NMT2: variants seen among roughly 807,000 people sequenced by gnomAD.
NMT2 encodes glycylpeptide N-tetradecanoyltransferase 2.
A neutral mutation model predicts 65.4 loss-of-function variants in NMT2; 35 were observed. The observed-to-expected ratio is 0.54, with a 90% confidence interval of 0.41 to 0.71. NMT2 has a LOEUF of 0.71. NMT2 is among the 30% of genes least tolerant of loss of function. The pLI, the probability that NMT2 is intolerant of heterozygous loss-of-function variation, is 0.00. For missense variants in NMT2, 489 were observed against 611.3 expected (o/e 0.80, Z 2.11); for synonymous variants, 226 against 231.8 (o/e 0.98, Z 0.23).
intron 9 of NMT2, among the ~76,000 whole-genome samples, chr10:15,114,677 A>T (rs564636949): frequency 1.3e-5 from 2 of 152,312 alleles, no homozygotes; most frequent in East Asian, 3.9e-4. Flanking sequence ...GGCCAACCTC[A>T]GTAGTGAGTA....
chr10:15,140,371 G>C (rs12774507), intron 2 of NMT2, among the ~76,000 whole-genome samples: 1 of 151,662 alleles, frequency 6.6e-6, no homozygotes. Flanking sequence ...GGATCCGCCT[G>C]CCTTGGCCTC....
At chr10:15,135,529 C>G in intron 2 of NMT2, 111 bp from the exon 3 acceptor site, 1 of 1,100,486 alleles carries the variant, frequency 9.1e-7, no homozygotes, top group South Asian at 1.4e-5. Context: ...CACTAACAAT[C>G]CTCCTCCAAG....
chr10:15,126,714 G>A (rs1432294651), intron 8 of NMT2, among the ~76,000 whole-genome samples: 1 of 152,190 alleles, frequency 6.6e-6, no homozygotes, highest in Non-Finnish European at 1.5e-5. Context: ...TGAGACCTCA[G>A]CCCTGGCTGA....
At chr10:15,127,677 C>T (rs1032350657) in intron 8 of NMT2, among the ~76,000 whole-genome samples, 1 of 151,080 alleles carries the variant, frequency 6.6e-6, no homozygotes, top group African/African-American at 2.4e-5. Context: ...CTGAAGCAGG[C>T]GGTTCACTTG....
intron 1 of NMT2, among the ~76,000 whole-genome samples, chr10:15,155,552 T>G (rs969908824): frequency 7.2e-6 from 1 of 138,704 alleles, no homozygotes; most frequent in Admixed American, 7.3e-5. Flanking sequence ...TTTTTTTTTT[T>G]TTTTTTTTTT....
chr10:15,111,509 C>CAAAAAAAA (rs58537120), intron 10 of NMT2, among the ~76,000 whole-genome samples: 1 of 52,800 alleles, frequency 1.9e-5, no homozygotes, highest in African/African-American at 6.6e-5. Flanking sequence ...AGACTCATCT[C>CAAAAAAAA]AAAAAAAAAA....
rs775903361 is a variant in NMT2 at position 15,155,181 on chromosome 10, T to C, written c.110+13322A>G. The stretch of plus-strand genomic sequence containing the variant: ...AATTCTGTGAAAGCAGGAACCCTTA[T>C]AACCAAATCCTTTCTCTCCAGTGCT... On this transcript the variant is annotated intron_variant, in intron 1 of 11. Coordinates refer to ENST00000378165, the MANE Select transcript of NMT2 (RefSeq NM_004808.3). The C allele has an allele frequency of 3.3e-6, 5 of 1,534,742 alleles. No individual in the cohort carries two copies. In the African/African-American group the frequency reaches 6.8e-5, roughly 21 times the overall value.
chr10:15,111,629 CAAT>C (rs893109336), intron 10 of NMT2: 4 of 148,326 alleles, frequency 2.7e-5, no homozygotes, highest in African/African-American at 1.0e-4. Flanking sequence ...AAATGTCAGA[CAAT>C]AATACTATGC....
At chr10:15,141,113 ATTTC>A in intron 2 of NMT2, 3 of 1,275,204 alleles carry the variant, frequency 2.4e-6, no homozygotes, top group Admixed American at 2.1e-5. Flanking sequence ...TTAAAGTGTA[ATTTC>A]AAAAAAACCT....
Position 15,113,463 on chromosome 10 carries a change from C to CAAAAAAAAAAAAAA in NMT2, c.1171-514_1171-501dup, listed in dbSNP as rs1169255963. On this transcript the variant is annotated intron_variant, in intron 9 of 11. Coordinates refer to ENST00000378165, the MANE Select transcript of NMT2 (RefSeq NM_004808.3). ...CCAGCCTGGGCGACAGGATGAGACTCAAAAAAAAAAAAAAAAAAAAAAAAA... is the reference window on the plus strand; with the variant it reads ...CCAGCCTGGGCGACAGGATGAGACTCAAAAAAAAAAAAAAAAAAAAAAAAAAAAAAAAAAAAAAA... Among the ~76,000 whole-genome samples, 27 of 36,994 alleles carry CAAAAAAAAAAAAAA rather than the reference C, an allele frequency of 7.3e-4. 1 individual carries two copies. Among genetic ancestry groups the CAAAAAAAAAAAAAA allele is most frequent in the African/African-American group, 2.0e-3 (22 of 10,828 alleles). The allele number at this position is 36,994 out of a possible 152,430, so 24.3% of individuals were successfully genotyped here.
At chr10:15,129,929 A>C (rs1007259074) in intron 7 of NMT2, among the ~76,000 whole-genome samples, 1 of 151,138 alleles carries the variant, frequency 6.6e-6, no homozygotes, top group Non-Finnish European at 1.5e-5. Flanking sequence ...AAAAAAAAAA[A>C]GTATAGATCC....
intron 1 of NMT2, among the ~76,000 whole-genome samples, chr10:15,142,051 G>A (rs11817626): frequency 0.033 from 4,961 of 152,246 alleles, 131 homozygotes; most frequent in African/African-American, 0.069. Context: ...AAAGCTTTAA[G>A]TGTCTAACTA....
chr10:15,146,608 G>A (rs1846972328), intron 1 of NMT2, among the ~76,000 whole-genome samples: 1 of 152,178 alleles, frequency 6.6e-6, no homozygotes, highest in African/African-American at 2.4e-5. Context: ...CCCCAAGGAT[G>A]GCAGAGCCAC....
In NMT2 at chr10:15,155,021, C is replaced by A. The variant is rs376269758; in HGVS notation, c.111-13464G>T. On this transcript the variant is annotated intron_variant, in intron 1 of 11. Transcript: ENST00000378165. ...TGGACAAGATGCCAGGACCTGTATG[C>A]TTCATGGACAAGATGCCAGGACCTG... 5.0e-6 allele frequency: 6 copies of A among 1,202,246 alleles called. No homozygotes were observed. The South Asian group carries it at 7.2e-5, about 15-fold the overall frequency. The allele number at this position is 1,202,246 out of a possible 1,614,324, so 74.5% of individuals were successfully genotyped here.
At position 15,155,077 on chromosome 10, in the gene NMT2, A is replaced by G. The variant is rs149751004; in HGVS notation, c.110+13426T>C. ...TTCAGAATGAAGTTCTCATCATCAA[A>G]TTTCTCCCTGTAGACAGACTTGCCA... On this transcript the variant is annotated intron_variant, in intron 1 of 11. Coordinates refer to ENST00000378165, the MANE Select transcript of NMT2 (RefSeq NM_004808.3). 2.0e-5 allele frequency: 27 copies of G among 1,373,068 alleles called. No individual in the cohort carries two copies. The East Asian group carries it at 6.0e-4, about 30-fold the overall frequency. 85.1% of individuals were successfully genotyped at this position (1,373,068 alleles called of 1,614,324 possible).
Position 15,108,507 on chromosome 10 carries a change from G to C in NMT2, c.*688C>G, listed in dbSNP as rs1845393701. On this transcript the variant is annotated 3_prime_UTR_variant, in exon 12 of 12. Transcript: ENST00000378165. Reference sequence around the variant, plus strand: ...GCCTCAGGCTCTTTCAGAGAGCACAGTGAGTGCTTGCACAAAACTCTGCTT... The same window carrying C: ...GCCTCAGGCTCTTTCAGAGAGCACACTGAGTGCTTGCACAAAACTCTGCTT... 1.0e-6 allele frequency: 1 copy of C among 985,558 alleles called. No individual in the cohort carries two copies. The highest frequency in any genetic ancestry group is 4.7e-5 in the South Asian group (1 of 21,300). The allele number at this position is 985,558 out of a possible 1,614,324, so 61.1% of individuals were successfully genotyped here.
intron 8 of NMT2, among the ~76,000 whole-genome samples, chr10:15,121,756 T>G (rs1845938329): frequency 6.6e-6 from 1 of 152,188 alleles, no homozygotes; most frequent in Non-Finnish European, 1.5e-5. Context: ...CAGTGCTGAT[T>G]GATTATCGAT....
chr10:15,120,150 C>T (rs761571879), intron 8 of NMT2, among the ~76,000 whole-genome samples: 18 of 152,112 alleles, frequency 1.2e-4, no homozygotes, highest in Non-Finnish European at 2.2e-4. Context: ...TATAAGTAAT[C>T]CAGAGATGAT....
intron 1 of NMT2, among the ~76,000 whole-genome samples, chr10:15,145,226 G>C (rs2131587768): frequency 6.6e-6 from 1 of 152,322 alleles, no homozygotes; most frequent in Non-Finnish European, 1.5e-5. Context: ...AACTAGATTA[G>C]TGGTGGTCAG....
Sources: gnomAD v4.1 joint callset for allele counts (sites outside exome capture counted in the v4.1 genomes callset) on GRCh38, gnomAD v4.1.1 for gene constraint, MANE v1.5 for transcripts, NCBI Gene and HGNC (gene_info 2026-07-23, HGNC 2026-07-21) for gene names.